The following DENND2A variants were observed in gnomAD, a reference collection of about 807,000 sequenced individuals.
The protein encoded by DENND2A is DENN domain-containing protein 2A.
A neutral mutation model predicts 105.3 loss-of-function variants in DENND2A; 53 were observed. The observed-to-expected ratio is 0.50, with a 90% CI of 0.40 to 0.63. The LOEUF is 0.63. Among genes scored for constraint, DENND2A ranks in the 30% least tolerant of loss-of-function variants. The pLI, the probability that DENND2A is intolerant of heterozygous loss-of-function variation, is 0.00. For missense variants in DENND2A, 1,138 were observed against 1,279.6 expected, an observed-to-expected ratio of 0.89 and a Z score of 1.69; for synonymous variants, 522 against 508.4, an observed-to-expected ratio of 1.03 and a Z score of -0.36.
chr7:140,601,492 T>A lies in DENND2A; in HGVS notation c.906A>T (p.Leu302=). 1 of 1,592,462 alleles carries A rather than the reference T, an allele frequency of 6.3e-7. No homozygotes were observed. Among genetic ancestry groups the A allele is most frequent in the Non-Finnish European group, 8.5e-7 (1 of 1,171,436 alleles). The change falls in exon 3 of 20, where the codon CTA becomes CTT. Residue 302 remains leucine (L), a synonymous_variant. Coordinates refer to ENST00000496613, the MANE Select transcript of DENND2A (RefSeq NM_015689.5). The part of the protein sequence containing the change: ...EKRNLPPLPS[L]PPPPLPSSPP... ...GAGAGGAGGGCAGAGGCGGGGGAGG[T>A]AGAGAGGGCAGAGGAGGCAGATTTC...
At position 140,530,732 on chromosome 7, in the gene DENND2A, T is replaced by C. The variant is rs1027766958; in HGVS notation, c.2328-3237A>G. ...AGCTTAGGGTGAAGTGACTTCTGTGTCTTTCTTTTTTTTTTTGAGACAGAA... is the reference window on the plus strand; with the variant it reads ...AGCTTAGGGTGAAGTGACTTCTGTGCCTTTCTTTTTTTTTTTGAGACAGAA... On this transcript the variant is annotated intron_variant, in intron 14 of 19. Transcript: ENST00000496613. Among the ~76,000 whole-genome samples the C allele has an allele frequency of 2.0e-5, 3 of 151,154 alleles. No individual in the cohort carries two copies. The East Asian group carries it at 5.8e-4, about 29-fold the overall frequency.
chr7:140,635,789 AG>A (rs1188644147), intron 1 of DENND2A, among the ~76,000 whole-genome samples: 1 of 152,186 alleles, frequency 6.6e-6, no homozygotes, highest in Non-Finnish European at 1.5e-5. Context: ...GAGAAGCTGA[AG>A]GTAGAGTCGC....
At chr7:140,519,316 C>T (rs534868771) in intron 19 of DENND2A, among the ~76,000 whole-genome samples, 9 of 152,220 alleles carry the variant, frequency 5.9e-5, no homozygotes, top group African/African-American at 1.7e-4. Context: ...TCTTGCCAGA[C>T]GTCCTTGTCT....
chr7:140,564,007 G>A (rs1797736062), intron 9 of DENND2A, among the ~76,000 whole-genome samples: 1 of 152,074 alleles, frequency 6.6e-6, no homozygotes. Context: ...CACAGGCAGG[G>A]CATAGTGGCT....
chr7:140,625,861 A>T (rs67718311), intron 1 of DENND2A, among the ~76,000 whole-genome samples: 2 of 151,920 alleles, frequency 1.3e-5, no homozygotes, highest in Non-Finnish European at 2.9e-5. Context: ...TTATTTATAC[A>T]TTTTTTATTG....
In DENND2A at chr7:140,570,378, G is replaced by A. The variant is rs1439795105; in HGVS notation, c.1447-640C>T. Among the ~76,000 whole-genome samples, 6 of 152,294 alleles carry A rather than the reference G, an allele frequency of 3.9e-5. No individual in the cohort carries two copies. The South Asian group carries it at 1.2e-3, about 32-fold the overall frequency. On this transcript the variant is annotated intron_variant, in intron 6 of 19. Transcript: ENST00000496613. ...CCCTCTGAGGCCTCGATGTCACTGCGGCTTGGGAAGGAGCTTTTCCTCCCA... is the reference window on the plus strand; with the variant it reads ...CCCTCTGAGGCCTCGATGTCACTGCAGCTTGGGAAGGAGCTTTTCCTCCCA...
chr7:140,576,278 G>A (rs1473803385), intron 5 of DENND2A, among the ~76,000 whole-genome samples: 1 of 152,024 alleles, frequency 6.6e-6, no homozygotes, highest in Non-Finnish European at 1.5e-5. Flanking sequence ...ATATGAAAAT[G>A]TGTTAATCTT....
At chr7:140,566,037 A>T (rs931258143) in intron 9 of DENND2A, among the ~76,000 whole-genome samples, 3 of 152,216 alleles carry the variant, frequency 2.0e-5, no homozygotes, top group Non-Finnish European at 2.9e-5. Flanking sequence ...GGCAACCAGC[A>T]GCCCTCAGGG....
At chr7:140,581,437 A>C (rs1387560101) in intron 5 of DENND2A, among the ~76,000 whole-genome samples, 1 of 152,152 alleles carries the variant, frequency 6.6e-6, no homozygotes, top group Non-Finnish European at 1.5e-5. Context: ...AATTCTAGTG[A>C]CCCGAATAAC....
At chr7:140,630,739 T>C (rs1800707589) in intron 1 of DENND2A, among the ~76,000 whole-genome samples, 1 of 152,114 alleles carries the variant, frequency 6.6e-6, no homozygotes, top group Non-Finnish European at 1.5e-5. Context: ...CACACACCTG[T>C]AATTTCAGCT....
At chr7:140,577,678 G>A (rs188462724) in intron 5 of DENND2A, among the ~76,000 whole-genome samples, 79 of 152,222 alleles carry the variant, frequency 5.2e-4, no homozygotes, top group African/African-American at 1.7e-3. Context: ...GATTATAGGC[G>A]TGATCCACCG....
Position 140,602,077 on chromosome 7 carries a change from C to T in DENND2A, c.321G>A (p.Glu107=). Residue 107 remains glutamate, a synonymous_variant, in exon 3 of 20, where the codon GAG becomes GAA. Coordinates refer to ENST00000496613, the MANE Select transcript of DENND2A (RefSeq NM_015689.5). ...NGMRPGTEST[E]KERNKGAVNV... is the part of the protein sequence containing the mutation. ...TCACTGCTCCTTTATTCCTCTCCTTCTCTGTGCTCTCTGTTCCTGGCCTCA... is the reference window on the plus strand; with the variant it reads ...TCACTGCTCCTTTATTCCTCTCCTTTTCTGTGCTCTCTGTTCCTGGCCTCA... The T allele has an allele frequency of 1.9e-6, 3 of 1,614,194 alleles. No individual in the cohort carries two copies. The South Asian group carries it at 3.3e-5, about 18-fold the overall frequency.
At chr7:140,580,771 G>A (rs965926723) in intron 5 of DENND2A, among the ~76,000 whole-genome samples, 2 of 151,778 alleles carry the variant, frequency 1.3e-5, no homozygotes, top group South Asian at 4.2e-4. Flanking sequence ...CAAGTAGCTG[G>A]GACTACAGGC....
At position 140,546,755 on chromosome 7, in the gene DENND2A, G is replaced by C. The variant is rs768763211; in HGVS notation, c.2178+44C>G. The C allele has an allele frequency of 1.9e-6, 3 of 1,608,410 alleles. No homozygotes were observed. In the East Asian group the frequency reaches 6.7e-5, roughly 36 times the overall value. ...CTGAGCACGGAGACTCGGCTGTCTG[G>C]GCCACTGCCTCCCCAGGGAGAAGGA... On this transcript the variant is annotated intron_variant, in intron 13 of 19. Transcript: ENST00000496613.
At chr7:140,529,799 A>G (rs11763530) in intron 14 of DENND2A, among the ~76,000 whole-genome samples, 78,814 of 147,426 alleles carry the variant, frequency 0.53, 22,091 homozygotes, top group African/African-American at 0.72. Flanking sequence ...GTTGTGGGGT[A>G]GGGGGACGGG....
At chr7:140,631,770 T>C (rs1004984626) in intron 1 of DENND2A, among the ~76,000 whole-genome samples, 1 of 152,156 alleles carries the variant, frequency 6.6e-6, no homozygotes, top group African/African-American at 2.4e-5. Context: ...ACAAATCTCA[T>C]CTGCAGCTCA....
In DENND2A at chr7:140,546,832, A is replaced by G; in HGVS notation, c.2145T>C (p.Leu715=). 6.2e-7 allele frequency: 1 copy of G among 1,614,134 alleles called. No homozygotes were observed. The highest frequency in any genetic ancestry group is 1.1e-5 in the South Asian group (1 of 91,062). ...CTGAACCTGGCAGGAAGTTCTTGAC[A>G]AGGATGGTTTTGCCCAGGGCTGGGA... ...APFPALGKTI[L]VKNFLPGSGT... The change falls in exon 13 of 20, where the codon CTT becomes CTC. Residue 715 remains leucine (L), a synonymous_variant. Coordinates refer to ENST00000496613, the MANE Select transcript of DENND2A (RefSeq NM_015689.5).
At chr7:140,611,959 G>C (rs970018082) in intron 1 of DENND2A, among the ~76,000 whole-genome samples, 1 of 152,126 alleles carries the variant, frequency 6.6e-6, no homozygotes, top group Non-Finnish European at 1.5e-5. Context: ...GGTGAATGTT[G>C]GCTGAGTGCG....
chr7:140,536,076 G>C (rs1796446100), intron 14 of DENND2A, among the ~76,000 whole-genome samples: 1 of 152,144 alleles, frequency 6.6e-6, no homozygotes, highest in Non-Finnish European at 1.5e-5. Flanking sequence ...GAGAAGGCCG[G>C]GCATGGTGGT....
Sources: gnomAD v4.1 joint callset for allele counts (sites outside exome capture counted in the v4.1 genomes callset) on GRCh38, gnomAD v4.1.1 for gene constraint, MANE v1.5 for transcripts, NCBI Gene and HGNC (gene_info 2026-07-23, HGNC 2026-07-21) for gene names.